TXNDC16: variants seen among roughly 807,000 people sequenced by gnomAD.
TXNDC16 encodes the protein thioredoxin domain containing 16.
In TXNDC16, 74 loss-of-function variants were observed where a neutral mutation model predicts 85.6. That is an observed-to-expected ratio of 0.86 (90% CI 0.72 to 1.05). The LOEUF (loss-of-function observed/expected upper bound fraction) is 1.05, where lower values mean the gene tolerates loss of function less well. TXNDC16 is among the 50% of genes least tolerant of loss of function. The pLI, the probability that TXNDC16 is intolerant of heterozygous loss-of-function variation, is 0.00. For missense variants in TXNDC16, 959 were observed against 947.0 expected (o/e 1.01, Z -0.17); for synonymous variants, 335 against 326.5 (o/e 1.03, Z -0.28).
At chr14:52,530,212 CAGA>C (rs1448155242) in intron 6 of TXNDC16, among the ~76,000 whole-genome samples, 1 of 49,832 alleles carries the variant, frequency 2.0e-5, no homozygotes, top group South Asian at 9.6e-4. Context: ...TTATATTATA[CAGA>C]ATAATATATA....
chr14:52,518,020 G>A (rs919521524), intron 7 of TXNDC16, among the ~76,000 whole-genome samples: 2 of 152,116 alleles, frequency 1.3e-5, no homozygotes, highest in Non-Finnish European at 2.9e-5. Context: ...CACTTCTGAC[G>A]TTAAATCAAC....
At chr14:52,472,970 C>G (rs1031156702) in intron 14 of TXNDC16, among the ~76,000 whole-genome samples, 2 of 152,148 alleles carry the variant, frequency 1.3e-5, no homozygotes, top group African/African-American at 4.8e-5. Flanking sequence ...AAGGAGCAGA[C>G]AAGATGGCCC....
chr14:52,452,992 G>GA, intron 18 of TXNDC16, among the ~76,000 whole-genome samples: 1 of 151,960 alleles, frequency 6.6e-6, no homozygotes, highest in East Asian at 1.9e-4. Context: ...GTATCAGTAG[G>GA]AAAAAATCTG....
At chr14:52,458,429 T>A (rs772721670) in intron 16 of TXNDC16, among the ~76,000 whole-genome samples, 2 of 152,136 alleles carry the variant, frequency 1.3e-5, no homozygotes, top group Non-Finnish European at 2.9e-5. Context: ...TGGTGGCATG[T>A]GCCTGTAGTC....
chr14:52,518,070 C>A (rs2037126174), intron 7 of TXNDC16, among the ~76,000 whole-genome samples: 1 of 152,190 alleles, frequency 6.6e-6, no homozygotes, highest in African/African-American at 2.4e-5. Context: ...TGCTCTCTTC[C>A]TTAAAACTCT....
chr14:52,471,825 A>T (rs930418537), intron 14 of TXNDC16, among the ~76,000 whole-genome samples: 1 of 151,854 alleles, frequency 6.6e-6, no homozygotes, highest in Non-Finnish European at 1.5e-5. Flanking sequence ...TACTTGCTCT[A>T]TAATAAAACG....
intron 6 of TXNDC16, among the ~76,000 whole-genome samples, chr14:52,536,122 C>G (rs930183298): frequency 6.6e-6 from 1 of 152,016 alleles, no homozygotes; most frequent in Non-Finnish European, 1.5e-5. Flanking sequence ...ATGTTGAAAT[C>G]CTAACTGCCA....
At chr14:52,527,421 G>C (rs1373591082) in intron 6 of TXNDC16, among the ~76,000 whole-genome samples, 2 of 150,840 alleles carry the variant, frequency 1.3e-5, no homozygotes, top group East Asian at 3.9e-4. Context: ...TGAGAGCAGA[G>C]GAAAAATGAT....
chr14:52,447,195 C>T (rs1309115126), intron 18 of TXNDC16, among the ~76,000 whole-genome samples: 1 of 151,784 alleles, frequency 6.6e-6, no homozygotes, highest in Non-Finnish European at 1.5e-5. Context: ...AAGCATGAGT[C>T]CCAGGCCAGA....
chr14:52,481,557 G>A (rs1220095205), intron 14 of TXNDC16, among the ~76,000 whole-genome samples: 2 of 152,106 alleles, frequency 1.3e-5, no homozygotes, highest in African/African-American at 4.8e-5. Context: ...AATATGCCAA[G>A]CCCAGTAAGC....
At chr14:52,543,678 AAATGAATG>A (rs1224520697) in intron 2 of TXNDC16, 48 bp from the exon 3 acceptor site, 1 of 1,096,304 alleles carries the variant, frequency 9.1e-7, no homozygotes, top group East Asian at 2.7e-5. Flanking sequence ...TGAATTTGTT[AAATGAATG>A]AATGAAGTAA....
intron 20 of TXNDC16, among the ~76,000 whole-genome samples, chr14:52,433,494 AAAT>A (rs1249046371): frequency 1.3e-5 from 2 of 152,220 alleles, no homozygotes; most frequent in East Asian, 1.9e-4. Context: ...ACATGCTAAA[AAAT>A]AATAATAAAT....
At position 52,543,596 on chromosome 14, in the gene TXNDC16, TTTTC is replaced by T. The variant is rs2037881469; in HGVS notation, c.-43_-40del. The T allele has an allele frequency of 6.2e-7, 1 of 1,608,950 alleles. No individual in the cohort carries two copies. On this transcript the variant is annotated 5_prime_UTR_variant, in exon 3 of 21. Coordinates refer to ENST00000281741, the MANE Select transcript of TXNDC16 (RefSeq NM_020784.3). ...TGTATCTGAGCGGATTTTGTCTGTT[TTTTC>T]ACTGCTGTGTTCTGTTTCCTAAGAC...
Position 52,470,162 on chromosome 14 carries a change from G to C in TXNDC16, c.1493C>G (p.Ser498Ter). The C allele has an allele frequency of 1.3e-6, 2 of 1,598,420 alleles. No individual in the cohort carries two copies. Among genetic ancestry groups the C allele is most frequent in the Non-Finnish European group, 1.7e-6 (2 of 1,173,156 alleles). ...LLKFIQLNRISYPVNITSIQE... is the reference protein window; with the variant it reads ...LLKFIQLNRI ...GATCGATGTTATATTCACTGGATAT[G>C]AAATCCTGTTGCTGGATAAACATAT... The change falls in exon 16 of 21, where the codon TCA becomes TGA. Residue 498 changes from serine (S) to a stop codon, truncating the protein, a stop_gained. Transcript: ENST00000281741. LOFTEE classifies it high-confidence loss of function.
intron 9 of TXNDC16, among the ~76,000 whole-genome samples, chr14:52,496,560 C>CTT: frequency 6.7e-6 from 1 of 149,852 alleles, no homozygotes; most frequent in African/African-American, 2.5e-5. Context: ...TGGTATAATT[C>CTT]TTTTAAAATC....
intron 6 of TXNDC16, among the ~76,000 whole-genome samples, chr14:52,527,613 A>C (rs1563673): frequency 0.51 from 77,709 of 151,844 alleles, 20,857 homozygotes; most frequent in East Asian, 0.7. Flanking sequence ...TGAAGTTCTC[A>C]TTCTTCAAAC....
chr14:52,473,968 C>A (rs1336038956), intron 14 of TXNDC16, among the ~76,000 whole-genome samples: 1 of 152,178 alleles, frequency 6.6e-6, no homozygotes, highest in South Asian at 2.1e-4. Context: ...ATTACCTATG[C>A]AATGCATTTC....
At chr14:52,500,115 A>G (rs964430070) in intron 9 of TXNDC16, among the ~76,000 whole-genome samples, 29 of 152,216 alleles carry the variant, frequency 1.9e-4, no homozygotes, top group African/African-American at 7.0e-4. Context: ...ACTTCTGGGT[A>G]TATTTTCAAA....
intron 8 of TXNDC16, among the ~76,000 whole-genome samples, chr14:52,513,832 A>G (rs1038112172): frequency 6.6e-6 from 1 of 152,086 alleles, no homozygotes; most frequent in African/African-American, 2.4e-5. Flanking sequence ...AAAAATATAG[A>G]GGCTGGTAAG....
Sources: allele counts gnomAD v4.1 joint callset (sites outside exome capture counted in the v4.1 genomes callset), GRCh38; gene constraint gnomAD v4.1.1; transcripts MANE v1.5; gene names NCBI Gene and HGNC (gene_info 2026-07-23, HGNC 2026-07-21).